The following AP4E1 variants were observed in gnomAD, a reference collection of about 807,000 sequenced individuals.
AP4E1 encodes adaptor related protein complex 4 subunit epsilon 1.
In AP4E1, 56 loss-of-function variants were observed where a neutral mutation model predicts 128.2. The ratio of observed to expected loss-of-function variants is 0.44; its 90% CI spans 0.35 to 0.55. AP4E1 has a LOEUF of 0.55. AP4E1 is among the 20% of genes least tolerant of loss of function. AP4E1 has a pLI of 0.00. For missense variants in AP4E1, 1,324 were observed against 1,307.7 expected (o/e 1.01, Z -0.19); for synonymous variants, 484 against 473.1 (o/e 1.02, Z -0.30).
chr15:50,970,406 G>A (rs116116879), intron 15 of AP4E1, among the ~76,000 whole-genome samples: 1 of 152,262 alleles, frequency 6.6e-6, no homozygotes, highest in African/African-American at 2.4e-5. Flanking sequence ...ACTTTGAATA[G>A]TGCTCTGCAG....
At chr15:50,937,758 G>A (rs1438775863) in intron 8 of AP4E1, among the ~76,000 whole-genome samples, 1 of 152,138 alleles carries the variant, frequency 6.6e-6, no homozygotes, top group African/African-American at 2.4e-5. Context: ...GAGAGAAGGT[G>A]TAGACATGGG....
intron 16 of AP4E1, among the ~76,000 whole-genome samples, chr15:50,988,731 C>T (rs780976368): frequency 2.6e-5 from 4 of 151,746 alleles, no homozygotes; most frequent in Non-Finnish European, 4.4e-5. Flanking sequence ...TTCTGTGAAA[C>T]TCTATTGCTT....
At chr15:50,916,466 A>G (rs2063632427) in intron 3 of AP4E1, among the ~76,000 whole-genome samples, 2 of 152,246 alleles carry the variant, frequency 1.3e-5, no homozygotes, top group Non-Finnish European at 2.9e-5. Flanking sequence ...ATAAATGTTC[A>G]ACTTTATATC....
intron 16 of AP4E1, among the ~76,000 whole-genome samples, chr15:50,986,687 A>G (rs2064728816): frequency 6.6e-6 from 1 of 152,006 alleles, no homozygotes; most frequent in Non-Finnish European, 1.5e-5. Flanking sequence ...AATCTTTTTG[A>G]TGTGCTGCTG....
At chr15:50,994,103 G>T (rs920534490) in intron 17 of AP4E1, among the ~76,000 whole-genome samples, 1 of 152,062 alleles carries the variant, frequency 6.6e-6, no homozygotes, top group Non-Finnish European at 1.5e-5. Flanking sequence ...ATACTTAAAT[G>T]ATATATTAAA....
intron 8 of AP4E1, among the ~76,000 whole-genome samples, chr15:50,939,204 G>A (rs898905707): frequency 8.5e-5 from 13 of 152,132 alleles, no homozygotes; most frequent in African/African-American, 2.9e-4. Context: ...CGGGCAAGGT[G>A]GCTCATGCCT....
chr15:50,960,219 G>C (rs573619252), intron 14 of AP4E1, among the ~76,000 whole-genome samples: 1 of 152,218 alleles, frequency 6.6e-6, no homozygotes, highest in East Asian at 1.9e-4. Flanking sequence ...AGATCATCTA[G>C]ACCGAAAATC....
At chr15:50,941,836 AT>A (rs2063993596) in intron 10 of AP4E1, 61 bp downstream of exon 10, 1 of 1,294,490 alleles carries the variant, frequency 7.7e-7, no homozygotes, top group South Asian at 1.2e-5. Flanking sequence ...TTTTGTTGGC[AT>A]TGTGTAGAGA....
In AP4E1 at chr15:50,995,264, T is replaced by A. The variant is rs967284627; in HGVS notation, c.2346+1639T>A. 2.0e-5 allele frequency among the ~76,000 whole-genome samples: 3 copies of A among 152,214 alleles called. No homozygotes were observed. The South Asian group carries it at 6.2e-4, about 32-fold the overall frequency. ...CGTTTAGCGTTCTCAGTTTCATACA[T>A]CAAGGCTCTATTGATGTATTTCATT... On this transcript the variant is annotated intron_variant, in intron 17 of 20. Transcript: ENST00000261842.
chr15:50,923,859 G>A (rs2063737254), intron 3 of AP4E1, 72 bp from the exon 4 acceptor site: 1 of 1,149,578 alleles, frequency 8.7e-7, no homozygotes, highest in East Asian at 2.4e-5. Flanking sequence ...TTACAGGACT[G>A]CTTTGTTTAA....
intron 3 of AP4E1, among the ~76,000 whole-genome samples, chr15:50,921,250 A>G (rs2063699979): frequency 6.6e-6 from 1 of 152,148 alleles, no homozygotes; most frequent in Admixed American, 6.5e-5. Context: ...TTGGCCCCCC[A>G]ACGTGCTGGA....
intron 20 of AP4E1, among the ~76,000 whole-genome samples, chr15:51,001,541 A>G (rs891979197): frequency 6.6e-6 from 1 of 152,210 alleles, no homozygotes; most frequent in Non-Finnish European, 1.5e-5. Flanking sequence ...CCTCTTGGCA[A>G]CTACCATTTT....
At chr15:50,998,712 G>C (rs1161161115) in intron 18 of AP4E1, among the ~76,000 whole-genome samples, 2 of 151,948 alleles carry the variant, frequency 1.3e-5, no homozygotes, top group Non-Finnish European at 2.9e-5. Context: ...AAAGCTTGAG[G>C]GTAGAGAATG....
chr15:50,933,285 T>G (rs1029610839), intron 7 of AP4E1, among the ~76,000 whole-genome samples: 2 of 152,174 alleles, frequency 1.3e-5, no homozygotes, highest in African/African-American at 4.8e-5. Context: ...AATCTTACAT[T>G]TTGTTGGACA....
At chr15:50,936,796 T>C (rs1179871212) in intron 8 of AP4E1, among the ~76,000 whole-genome samples, 1 of 152,090 alleles carries the variant, frequency 6.6e-6, no homozygotes, top group Non-Finnish European at 1.5e-5. Flanking sequence ...TAGCTGGGCA[T>C]GGTGGCGTGT....
At chr15:50,996,353 A>C (rs780032210) in intron 17 of AP4E1, among the ~76,000 whole-genome samples, 4 of 151,918 alleles carry the variant, frequency 2.6e-5, no homozygotes, top group Non-Finnish European at 5.9e-5. Context: ...ACTATTTGAT[A>C]GTTATTAGTA....
intron 16 of AP4E1, among the ~76,000 whole-genome samples, chr15:50,988,311 T>C (rs563191855): frequency 6.6e-6 from 1 of 152,306 alleles, no homozygotes; most frequent in Admixed American, 6.5e-5. Flanking sequence ...TATTATTTTA[T>C]TTTATTGTTA....
At chr15:50,916,687 G>A (rs921561453) in intron 3 of AP4E1, among the ~76,000 whole-genome samples, 3 of 152,082 alleles carry the variant, frequency 2.0e-5, no homozygotes, top group East Asian at 1.9e-4. Flanking sequence ...ACCCTACTCC[G>A]CCCAAAACAC....
In AP4E1 at chr15:51,003,861, G is replaced by A. The variant is rs977274670; in HGVS notation, c.*1199G>A. 6 of 152,480 alleles carry A rather than the reference G, an allele frequency of 3.9e-5. No individual in the cohort carries two copies. Among genetic ancestry groups the A allele is most frequent in the African/African-American group, 1.4e-4 (6 of 41,382 alleles). 9.4% of individuals were successfully genotyped at this position (152,480 alleles called of 1,614,324 possible). ...ATTGCAGTTAATACTCTGGTTAATT[G>A]GTACTGTTAATCACCCAGGTCAGGA... On this transcript the variant is annotated 3_prime_UTR_variant, in exon 21 of 21. Coordinates refer to ENST00000261842, the MANE Select transcript of AP4E1 (RefSeq NM_007347.5).
Sources: allele counts gnomAD v4.1 joint callset (sites outside exome capture counted in the v4.1 genomes callset), GRCh38; gene constraint gnomAD v4.1.1; transcripts MANE v1.5; gene names NCBI Gene and HGNC (gene_info 2026-07-23, HGNC 2026-07-21).